The following GSPT1 variants were observed in gnomAD, a reference collection of about 807,000 sequenced individuals.
The protein encoded by GSPT1 is G1 to S phase transition 1.
In GSPT1, 20 loss-of-function variants were observed where a neutral mutation model predicts 72.5. The observed-to-expected ratio is 0.28, with a 90% CI of 0.19 to 0.40. The LOEUF is 0.40. Among genes scored for constraint, GSPT1 ranks in the 10% least tolerant of loss-of-function variants. GSPT1 has a pLI of 1.00. For missense variants in GSPT1, 580 were observed against 811.9 expected (o/e 0.71, Z 3.47); for synonymous variants, 334 against 293.5 (o/e 1.14, Z -1.41).
At chr16:11,910,444 C>G (rs890393248) in intron 1 of GSPT1, among the ~76,000 whole-genome samples, 1 of 152,198 alleles carries the variant, frequency 6.6e-6, no homozygotes, top group Non-Finnish European at 1.5e-5. Context: ...CCTAGCATAG[C>G]ATCTTTCATT....
rs756599867 is a variant in GSPT1 at position 11,915,731 on chromosome 16, G to A, written c.-11C>T. 5.2e-6 allele frequency: 8 copies of A among 1,524,802 alleles called. 1 individual carries two copies. In the South Asian group the frequency reaches 5.9e-5, roughly 11 times the overall value. 94.5% of individuals were successfully genotyped at this position (1,524,802 alleles called of 1,614,324 possible). On this transcript the variant is annotated 5_prime_UTR_variant, in exon 1 of 15. Coordinates refer to ENST00000434724, the MANE Select transcript of GSPT1 (RefSeq NM_002094.4). ...ACTGCCCGGATCCATGATCGGGGGG[G>A]CCGTGTGTGTGGTGGACAGAGAGCG...
chr16:11,876,856 T>C (rs1474393998), intron 12 of GSPT1, among the ~76,000 whole-genome samples: 1 of 152,204 alleles, frequency 6.6e-6, no homozygotes, highest in Non-Finnish European at 1.5e-5. Context: ...TGTAAACTTA[T>C]CCAGCTTTAT....
intron 6 of GSPT1, 67 bp downstream of exon 6, chr16:11,890,995 C>T: frequency 1.4e-6 from 1 of 722,494 alleles, no homozygotes; most frequent in South Asian, 1.7e-5. Flanking sequence ...TTAACAGGCT[C>T]CAAAAGCACT....
At position 11,868,443 on chromosome 16, in the gene GSPT1, T is replaced by C. The variant is rs1467955120; in HGVS notation, c.*4676A>G. The C allele has an allele frequency of 6.6e-6, 1 of 151,468 alleles. No homozygotes were observed. Among genetic ancestry groups the C allele is most frequent in the Non-Finnish European group, 1.5e-5 (1 of 67,968 alleles). The allele number at this position is 151,468 out of a possible 1,614,324, so 9.4% of individuals were successfully genotyped here. ...AGTCACTAAGTCCTGGCCTGAGAGA[T>C]ACCCACATTTCCTTTAGAACAAACA... On this transcript the variant is annotated 3_prime_UTR_variant, in exon 15 of 15. Transcript: ENST00000434724.
At chr16:11,905,923 G>A (rs937202764) in intron 1 of GSPT1, among the ~76,000 whole-genome samples, 5 of 152,186 alleles carry the variant, frequency 3.3e-5, no homozygotes, top group Non-Finnish European at 7.3e-5. Flanking sequence ...CTTCCAGAAT[G>A]AACTGTGGGT....
intron 6 of GSPT1, chr16:11,890,736 C>T (rs2054248401): frequency 5.7e-6 from 1 of 174,036 alleles, no homozygotes; most frequent in Admixed American, 6.4e-5. Context: ...CCCCAACTGC[C>T]ACCACAACGC....
chr16:11,886,551 T>C lies in GSPT1; in HGVS notation c.1173A>G (p.Lys391=). 6.2e-7 allele frequency: 1 copy of C among 1,612,870 alleles called. No homozygotes were observed. Among genetic ancestry groups the C allele is most frequent in the Non-Finnish European group, 8.5e-7 (1 of 1,178,882 alleles). Residue 391 remains lysine (K), a synonymous_variant, in exon 9 of 15, where the codon AAA becomes AAG. Transcript: ENST00000434724. ...PFLKKVGFNP[K]KDIHFMPCSG... is the part of the protein sequence containing the mutation. Reference sequence around the variant, plus strand: ...AGCAGGGCATAAAGTGAATGTCCTTTTTGGGATTGAAGCCAACTTTTTTCA... The same window carrying C: ...AGCAGGGCATAAAGTGAATGTCCTTCTTGGGATTGAAGCCAACTTTTTTCA...
At position 11,904,159 on chromosome 16, in the gene GSPT1, G is replaced by A. The variant is rs17236642; in HGVS notation, c.353-6124C>T. 470 of 210,544 alleles carry A rather than the reference G, an allele frequency of 2.2e-3. 1 individual carries two copies. The highest frequency in any genetic ancestry group is 3.2e-3 in the Non-Finnish European group (293 of 91,454). 13.0% of individuals were successfully genotyped at this position (210,544 alleles called of 1,614,324 possible). ...CCATGGTAGTTACTGTCCTTGATAC[G>A]TATGCCAACCTCAACACCAACATCA... On this transcript the variant is annotated intron_variant, in intron 1 of 14. Transcript: ENST00000434724.
At position 11,868,489 on chromosome 16, in the gene GSPT1, T is replaced by C. The variant is rs185761504; in HGVS notation, c.*4630A>G. ...AAACAGAACTAATACCTGTGTACATTTCTGAGAGCCTGATGTGTGAGTCCT... is the reference window on the plus strand; with the variant it reads ...AAACAGAACTAATACCTGTGTACATCTCTGAGAGCCTGATGTGTGAGTCCT... On this transcript the variant is annotated 3_prime_UTR_variant, in exon 15 of 15. Coordinates refer to ENST00000434724, the MANE Select transcript of GSPT1 (RefSeq NM_002094.4). 1 of 152,214 alleles carries C rather than the reference T, an allele frequency of 6.6e-6. No individual in the cohort carries two copies. The highest frequency in any genetic ancestry group is 6.6e-5 in the Admixed American group (1 of 15,264). The allele number at this position is 152,214 out of a possible 1,614,324, so 9.4% of individuals were successfully genotyped here.
chr16:11,892,514 C>T (rs33642), intron 5 of GSPT1, among the ~76,000 whole-genome samples: 21 of 122,506 alleles, frequency 1.7e-4, no homozygotes, highest in African/African-American at 6.5e-4. Flanking sequence ...CTCAAAAAAA[C>T]AAAAAAAACA....
chr16:11,877,428 A>G lies in GSPT1; in HGVS notation c.1581T>C (p.Ser527=). 1 of 1,591,896 alleles carries G rather than the reference A, an allele frequency of 6.3e-7. No individual in the cohort carries two copies. The part of the protein sequence containing the change: ...ILCDPNNLCH[S]GRTFDAQIVI... ...TTACCTGGGCATCAAATGTGCGTCC[A>G]GAATGACAAAGATTATTAGGATCAC... The change falls in exon 12 of 15, where the codon TCT becomes TCC. Residue 527 remains serine, a synonymous_variant. Coordinates refer to ENST00000434724, the MANE Select transcript of GSPT1 (RefSeq NM_002094.4). The surrounding 1 kb of genome is among the most constrained non-coding windows in gnomAD (Gnocchi z 4.0).
chr16:11,892,413 T>C (rs1596466076), intron 5 of GSPT1, among the ~76,000 whole-genome samples: 1 of 146,452 alleles, frequency 6.8e-6, no homozygotes, highest in African/African-American at 2.5e-5. Context: ...GGAAGCTGAG[T>C]TGGGAGGACT....
chr16:11,902,592 T>C (rs1353944447), intron 1 of GSPT1, among the ~76,000 whole-genome samples: 3 of 83,338 alleles, frequency 3.6e-5, no homozygotes, highest in Non-Finnish European at 1.1e-4. Context: ...ACTGGATCTT[T>C]TTTTTTTTTT....
chr16:11,909,873 C>G (rs551708352), intron 1 of GSPT1, among the ~76,000 whole-genome samples: 1 of 151,980 alleles, frequency 6.6e-6, no homozygotes, highest in South Asian at 2.1e-4. Context: ...TTACGGTGAG[C>G]CGAGTTAGGG....
Position 11,886,507 on chromosome 16 carries a change from T to C in GSPT1, c.1217A>G (p.Asn406Ser). 6.2e-7 allele frequency: 1 copy of C among 1,613,356 alleles called. No homozygotes were observed. The highest frequency in any genetic ancestry group is 8.5e-7 in the Non-Finnish European group (1 of 1,179,448). Residue 406 changes from asparagine to serine, a missense_variant, in exon 9 of 15, where the codon AAT becomes AGT. Asn to Ser is a conservative substitution (Grantham distance 46, BLOSUM62 1). This residue lies in a region of GSPT1 where 45 missense variants were observed against 43.0 expected (regional missense o/e 1.05). Transcript: ENST00000434724. ...FMPCSGLTGANLKEQSDFCPW... is the reference protein window; with the variant it reads ...FMPCSGLTGASLKEQSDFCPW... ...ACAGAAATCCGACTGCTCTTTGAGA[T>C]TTGCTCCAGTAAGTCCTGAGCAGGG...
Position 11,885,202 on chromosome 16 carries a change from C to T in GSPT1, c.1326G>A (p.Leu442=). The T allele has an allele frequency of 6.3e-7, 1 of 1,580,794 alleles. No homozygotes were observed. Among genetic ancestry groups the T allele is most frequent in the African/African-American group, 1.3e-5 (1 of 74,394 alleles). Residue 442 remains leucine (L), a synonymous_variant, in exon 10 of 15, where the codon CTG becomes CTA. Coordinates refer to ENST00000434724, the MANE Select transcript of GSPT1 (RefSeq NM_002094.4). Reference sequence around the variant, plus strand: ...GTACCTTGTACTTATCCACAATTGGCAGCCTGATTGGTCCATCAACTGATC... The same window carrying T: ...GTACCTTGTACTTATCCACAATTGGTAGCCTGATTGGTCCATCAACTGATC... ...FNRSVDGPIR[L]PIVDKYKDMG...
chr16:11,915,159 C>CCCGCTGT (rs2054615569), intron 1 of GSPT1: 1 of 1,031,164 alleles, frequency 9.7e-7, no homozygotes, highest in African/African-American at 1.7e-5. Context: ...GGGCGCGCTG[C>CCCGCTGT]CCGCTGTCCG....
rs2053986549 is a variant in GSPT1 at position 11,872,190 on chromosome 16, C to T, written c.*929G>A. On this transcript the variant is annotated 3_prime_UTR_variant, in exon 15 of 15. Coordinates refer to ENST00000434724, the MANE Select transcript of GSPT1 (RefSeq NM_002094.4). ...AGGCATGCAGCTCTATTTATAAATA[C>T]TACCAGAGGAATTTTTGCCAGGTCT... The T allele has an allele frequency of 6.6e-6, 1 of 152,082 alleles. No homozygotes were observed. Among genetic ancestry groups the T allele is most frequent in the Non-Finnish European group, 1.5e-5 (1 of 68,018 alleles). The allele number at this position is 152,082 out of a possible 1,614,324, so 9.4% of individuals were successfully genotyped here.
At chr16:11,888,339 G>A (rs1383315202) in intron 6 of GSPT1, among the ~76,000 whole-genome samples, 1 of 151,598 alleles carries the variant, frequency 6.6e-6, no homozygotes, top group Non-Finnish European at 1.5e-5. Context: ...GTGCACACCT[G>A]TAGTCACAGC....
Sources: gnomAD v4.1 joint callset for allele counts (sites outside exome capture counted in the v4.1 genomes callset) on GRCh38, gnomAD v4.1.1 for gene constraint, gnomAD v4.1.1 regional missense constraint, Gnocchi (gnomAD v3.1) non-coding constraint, MANE v1.5 for transcripts, NCBI Gene and HGNC (gene_info 2026-07-23, HGNC 2026-07-21) for gene names.